Variants in SPI1 observed in about 807,000 individuals in gnomAD.
SPI1 encodes Spi-1 proto-oncogene, also known as transcription factor PU.1.
SPI1 carries 3 observed loss-of-function variants against 30.7 expected under a neutral mutation model. That is an observed-to-expected ratio of 0.10 (90% CI 0.04 to 0.25). SPI1 has a LOEUF of 0.25. SPI1 is among the 10% of genes least tolerant of loss of function. The pLI is 1.00. For missense variants in SPI1, 261 were observed against 371.5 expected, an observed-to-expected ratio of 0.70 and a Z score of 2.45; for synonymous variants, 169 against 157.1, an observed-to-expected ratio of 1.08 and a Z score of -0.56.
At chr11:47,361,496 C>T (rs2095920716) in intron 2 of SPI1, among the ~76,000 whole-genome samples, 1 of 152,214 alleles carries the variant, frequency 6.6e-6, no homozygotes, top group Non-Finnish European at 1.5e-5. Context: ...AGATCTTCAG[C>T]ATGAACACCT....
At chr11:47,362,252 TTAA>T (rs977574914) in intron 2 of SPI1, among the ~76,000 whole-genome samples, 17 of 152,098 alleles carry the variant, frequency 1.1e-4, no homozygotes, top group African/African-American at 1.2e-4. Context: ...ATCATTATTA[TTAA>T]TAATAATAAT....
rs747515093 is a variant in SPI1 at position 47,375,644 on chromosome 11, T to C, written c.131A>G (p.Glu44Gly). Residue 44 changes from glutamate to glycine, a missense_variant, in exon 2 of 5, where the codon GAG becomes GGG. Physicochemically the swap from Glu to Gly is moderately conservative, Grantham distance 98. Around this residue, in one of 5 missense-constraint regions of SPI1, gnomAD observed 78 missense variants for 93.2 expected, o/e 0.84. Coordinates refer to ENST00000378538, the MANE Select transcript of SPI1 (RefSeq NM_003120.3). The surrounding 1 kb of genome is among the most constrained non-coding windows in gnomAD (Gnocchi z 4.2). ...EYYPYLSSDG[E>G]SHSDHYWDFH... ...GGCCCCGTACTCACCGCTATGGCTCTCCCCATCACTGCTGAGATAGGGGTA... is the reference window on the plus strand; with the variant it reads ...GGCCCCGTACTCACCGCTATGGCTCCCCCCATCACTGCTGAGATAGGGGTA... The C allele has an allele frequency of 1.2e-6, 2 of 1,613,272 alleles. No individual in the cohort carries two copies. The highest frequency in any genetic ancestry group is 1.1e-5 in the South Asian group (1 of 91,076).
In SPI1 at chr11:47,355,225, G is replaced by A; in HGVS notation, c.*2C>T. ...TGGCGGGGCCCGGCGGGGGCTGCGG[G>A]CTCAGTGGGGCGGGTGGCGCCGCTC... On this transcript the variant is annotated 3_prime_UTR_variant, in exon 5 of 5. Transcript: ENST00000378538. The A allele has an allele frequency of 7.3e-7, 1 of 1,373,902 alleles. No homozygotes were observed. The highest frequency in any genetic ancestry group is 1.7e-5 in the South Asian group (1 of 57,532). The allele number at this position is 1,373,902 out of a possible 1,614,324, so 85.1% of individuals were successfully genotyped here. A position where few individuals can be genotyped will look rare whatever the true frequency, so the allele number is the denominator to read the frequency against.
At chr11:47,357,453 T>A (rs2095913060) in intron 4 of SPI1, among the ~76,000 whole-genome samples, 1 of 151,276 alleles carries the variant, frequency 6.6e-6, no homozygotes, top group Non-Finnish European at 1.5e-5. Flanking sequence ...ACACAACCAC[T>A]CAGACACCTA....
At position 47,358,206 on chromosome 11, in the gene SPI1, CTT is replaced by C. The variant is rs773801507; in HGVS notation, c.493+636_493+637del. On this transcript the variant is annotated intron_variant, in intron 4 of 4. Coordinates refer to ENST00000378538, the MANE Select transcript of SPI1 (RefSeq NM_003120.3). ...ACACACCTATGCCCATTCACACACA[CTT>C]ATATCACACACATCCCTGCTTACAT... 7.4e-5 allele frequency: 22 copies of C among 299,024 alleles called. 1 individual carries two copies. The highest frequency in any genetic ancestry group is 1.4e-4 in the East Asian group (2 of 14,258). 18.5% of individuals were successfully genotyped at this position (299,024 alleles called of 1,614,324 possible).
At position 47,358,982 on chromosome 11, in the gene SPI1, G is replaced by A. The variant is rs1565637989; in HGVS notation, c.355C>T (p.Leu119Phe). The change falls in exon 4 of 5, where the codon CTC (leucine) becomes TTC (phenylalanine). Residue 119 changes from leucine (L) to phenylalanine (F), a missense_variant. Coordinates refer to ENST00000378538, the MANE Select transcript of SPI1 (RefSeq NM_003120.3). ...GCTGGGGACAGGGATGGGTACTGGA[G>A]GCACATCCGGGGCAGGTAGGAGACC... is the stretch of plus-strand genomic sequence containing the variant. Reference protein sequence around the residue: ...HQVSYLPRMCLQYPSLSPAQP... With the variant: ...HQVSYLPRMCFQYPSLSPAQP... The A allele has an allele frequency of 1.3e-6, 2 of 1,536,128 alleles. No individual in the cohort carries two copies. Among genetic ancestry groups the A allele is most frequent in the Non-Finnish European group, 1.8e-6 (2 of 1,141,960 alleles).
rs2095906017 is a variant in SPI1, at chr11:47,355,107, C to T, written c.*120G>A. On this transcript the variant is annotated 3_prime_UTR_variant, in exon 5 of 5. Transcript: ENST00000378538. ...GGGGAGGGGGCGGGTGAGGCGAGGC[C>T]CGGCCCGCCACAGTCCTGCCTCTGG... is the stretch of plus-strand genomic sequence containing the variant. 1 of 769,078 alleles carries T rather than the reference C, an allele frequency of 1.3e-6. No individual in the cohort carries two copies. The highest frequency in any genetic ancestry group is 1.7e-6 in the Non-Finnish European group (1 of 571,586). The allele number at this position is 769,078 out of a possible 1,614,324, so 47.6% of individuals were successfully genotyped here. A position where few individuals can be genotyped will look rare whatever the true frequency, so the allele number is the denominator to read the frequency against.
At chr11:47,372,557 G>A (rs1439722685) in intron 2 of SPI1, among the ~76,000 whole-genome samples, 2 of 152,148 alleles carry the variant, frequency 1.3e-5, no homozygotes, top group African/African-American at 4.8e-5. Context: ...GATGGGAAGC[G>A]GCTGGCAGGA....
intron 2 of SPI1, among the ~76,000 whole-genome samples, chr11:47,372,714 C>T (rs2095937490): frequency 6.6e-6 from 1 of 152,164 alleles, no homozygotes; most frequent in African/African-American, 2.4e-5. Context: ...CCGCTTTGTC[C>T]CTCCTGCCTT....
chr11:47,358,736 C>G lies in SPI1; in HGVS notation c.493+108G>C. ...ACACTGGCAAACATGCACACACACA[C>G]ACACGCGACTCGGTGGCGTGGCTGC... On this transcript the variant is annotated intron_variant, in intron 4 of 4. Transcript: ENST00000378538. The G allele has an allele frequency of 2.7e-6, 3 of 1,112,548 alleles. No individual in the cohort carries two copies. In the South Asian group the frequency reaches 4.0e-5, roughly 15 times the overall value. The allele number at this position is 1,112,548 out of a possible 1,614,324, so 68.9% of individuals were successfully genotyped here.
intron 1 of SPI1, among the ~76,000 whole-genome samples, chr11:47,376,836 C>T (rs1333671991): frequency 6.6e-6 from 1 of 152,106 alleles, no homozygotes; most frequent in Non-Finnish European, 1.5e-5. Context: ...CTTGGGAGCC[C>T]ACCCTACCAG....
At chr11:47,369,197 A>G (rs966499940) in intron 2 of SPI1, among the ~76,000 whole-genome samples, 4 of 152,244 alleles carry the variant, frequency 2.6e-5, no homozygotes, top group Non-Finnish European at 5.9e-5. Flanking sequence ...GGTTGCAGTG[A>G]GCCGAGATCA....
intron 1 of SPI1, among the ~76,000 whole-genome samples, chr11:47,376,661 T>C (rs546639805): frequency 2.7e-5 from 4 of 145,932 alleles, no homozygotes; most frequent in Admixed American, 2.7e-4. Flanking sequence ...CCCACCTTCC[T>C]CCCTCCTCCC....
intron 4 of SPI1, among the ~76,000 whole-genome samples, chr11:47,356,367 C>T (rs2095909267): frequency 6.6e-6 from 1 of 150,736 alleles, no homozygotes; most frequent in Admixed American, 6.6e-5. Flanking sequence ...CACACCCACT[C>T]ATGCTCACAC....
At position 47,359,525 on chromosome 11, in the gene SPI1, G is replaced by C. The variant is rs945585672; in HGVS notation, c.330+328C>G. 9.9e-5 allele frequency among the ~76,000 whole-genome samples: 15 copies of C among 152,106 alleles called. No individual in the cohort carries two copies. Among genetic ancestry groups the C allele is most frequent in the Non-Finnish European group, 1.8e-4 (12 of 68,006 alleles). On this transcript the variant is annotated intron_variant, in intron 3 of 4. Transcript: ENST00000378538. This position sits in a 1 kb window ranked among gnomAD's most constrained non-coding sequence, Gnocchi z 5.1. The stretch of plus-strand genomic sequence containing the variant: ...GTCAGTAGAGGTGTTCAGTGACTTG[G>C]TGTGGGATCCATGAGGGCTAGTGAA...
intron 2 of SPI1, among the ~76,000 whole-genome samples, chr11:47,366,428 C>G (rs1296237165): frequency 6.6e-6 from 1 of 151,968 alleles, no homozygotes. Flanking sequence ...CCCAGGGGAG[C>G]AAAAGTGTGA....
chr11:47,356,845 C>G (rs10769256), intron 4 of SPI1, among the ~76,000 whole-genome samples: 1 of 150,822 alleles, frequency 6.6e-6, no homozygotes, highest in African/African-American at 2.4e-5. Flanking sequence ...CAGCCCCACA[C>G]GCACACACCT....
At chr11:47,373,658 A>G (rs11601200) in intron 2 of SPI1, among the ~76,000 whole-genome samples, 5,427 of 152,074 alleles carry the variant, frequency 0.036, 100 homozygotes, top group Middle Eastern at 0.061. Flanking sequence ...AAAAAAAAAA[A>G]AAAGAAAAGG....
chr11:47,358,961 G>C lies in SPI1; in HGVS notation c.376C>G (p.Pro126Ala). The change falls in exon 4 of 5, where the codon CCA becomes GCA. Residue 126 changes from proline (P) to alanine (A), a missense_variant. By Grantham distance (27) the Pro-to-Ala change is conservative (BLOSUM62 -1). Transcript: ENST00000378538. The part of the protein sequence containing the change: ...RMCLQYPSLS[P>A]AQPSSDEEEG... The stretch of plus-strand genomic sequence containing the variant: ...TCCTCATCTGAGCTGGGCTGGGCTG[G>C]GGACAGGGATGGGTACTGGAGGCAC... The C allele has an allele frequency of 1.9e-6, 3 of 1,556,466 alleles. No individual in the cohort carries two copies. Among genetic ancestry groups the C allele is most frequent in the Non-Finnish European group, 2.6e-6 (3 of 1,151,106 alleles).
Sources: gnomAD v4.1 joint callset for allele counts (sites outside exome capture counted in the v4.1 genomes callset) on GRCh38, gnomAD v4.1.1 for gene constraint, gnomAD v4.1.1 regional missense constraint, Gnocchi (gnomAD v3.1) non-coding constraint, MANE v1.5 for transcripts, NCBI Gene and HGNC (gene_info 2026-07-23, HGNC 2026-07-21) for gene names.